ANKRD45: variants seen among roughly 807,000 people sequenced by gnomAD.
The protein encoded by ANKRD45 is ankyrin repeat domain-containing protein 45.
A neutral mutation model predicts 28.1 loss-of-function variants in ANKRD45; 21 were observed. The ratio of observed to expected loss-of-function variants is 0.75; its 90% CI spans 0.53 to 1.08. The LOEUF is 1.08. ANKRD45 is among the 50% of genes least tolerant of loss of function. ANKRD45 has a pLI of 0.00. For missense variants in ANKRD45, 261 were observed against 308.7 expected, an observed-to-expected ratio of 0.85 and a Z score of 1.16; for synonymous variants, 86 against 103.9, an observed-to-expected ratio of 0.83 and a Z score of 1.05.
the ANKRD45 span, among the ~76,000 whole-genome samples, chr1:173,706,060 T>A: frequency 6.6e-6 from 1 of 152,020 alleles, no homozygotes; most frequent in Non-Finnish European, 1.5e-5. Context: ...ATCCCAGCAC[T>A]TTGGGAGGCC....
At chr1:173,643,958 C>T (rs1172006943) in intron 3 of ANKRD45, among the ~76,000 whole-genome samples, 4 of 152,166 alleles carry the variant, frequency 2.6e-5, no homozygotes, top group Non-Finnish European at 1.5e-5. Flanking sequence ...TAGCACAACC[C>T]CACCTTCACA....
At chr1:173,691,241 T>C in the ANKRD45 span, among the ~76,000 whole-genome samples, 1 of 152,164 alleles carries the variant, frequency 6.6e-6, no homozygotes, top group Non-Finnish European at 1.5e-5. Context: ...TTTTTTGTTT[T>C]GGTTTGGTTT....
intron 5 of ANKRD45, among the ~76,000 whole-genome samples, chr1:173,616,157 A>G (rs1249769058): frequency 6.6e-6 from 1 of 152,178 alleles, no homozygotes; most frequent in Non-Finnish European, 1.5e-5. Context: ...TTATTTAGCC[A>G]TAAAGCAGAA....
chr1:173,682,691 A>G, the ANKRD45 span, among the ~76,000 whole-genome samples: 10 of 149,860 alleles, frequency 6.7e-5, no homozygotes, highest in Admixed American at 2.7e-4. Flanking sequence ...AAATACACAC[A>G]CACACACACA....
rs1281608243 is a variant in ANKRD45 at position 173,627,400 on chromosome 1, C to T, written c.497-241G>A. Among the ~76,000 whole-genome samples, 5 of 152,242 alleles carry T rather than the reference C, an allele frequency of 3.3e-5. No homozygotes were observed. In the East Asian group the frequency reaches 9.6e-4, roughly 29 times the overall value. On this transcript the variant is annotated intron_variant, in intron 3 of 5. Coordinates refer to ENST00000333279, the MANE Select transcript of ANKRD45 (RefSeq NM_198493.3). Reference sequence around the variant, plus strand: ...GGTAGGAAAGACAGTTTTGAACTGCCTACACCACACTTCCCCCATACCCCT... The same window carrying T: ...GGTAGGAAAGACAGTTTTGAACTGCTTACACCACACTTCCCCCATACCCCT...
At chr1:173,651,484 T>G (rs949460422) in intron 2 of ANKRD45, among the ~76,000 whole-genome samples, 29 of 152,242 alleles carry the variant, frequency 1.9e-4, no homozygotes, top group Non-Finnish European at 5.9e-5. Context: ...CATGCTGTTT[T>G]GCTTACTGTA....
intron 3 of ANKRD45, among the ~76,000 whole-genome samples, chr1:173,641,670 G>C (rs973021054): frequency 1.3e-5 from 2 of 152,182 alleles, no homozygotes; most frequent in South Asian, 4.1e-4. Context: ...CCTTCACCCT[G>C]GCATTTCGTC....
intron 3 of ANKRD45, chr1:173,635,862 A>G (rs1426346208): frequency 6.8e-7 from 1 of 1,473,848 alleles, no homozygotes; most frequent in Admixed American, 2.1e-5. Context: ...TCGTGATACA[A>G]GTAGTAATAG....
chr1:173,611,727 G>T (rs1238677647), intron 5 of ANKRD45, among the ~76,000 whole-genome samples: 2 of 151,946 alleles, frequency 1.3e-5, no homozygotes, highest in East Asian at 3.9e-4. Flanking sequence ...CCTTGGATTG[G>T]CAATGGTTTC....
chr1:173,703,962 C>T, the ANKRD45 span, among the ~76,000 whole-genome samples: 1 of 152,248 alleles, frequency 6.6e-6, no homozygotes. Context: ...GCACAGCTGC[C>T]CTACAAACTA....
the ANKRD45 span, among the ~76,000 whole-genome samples, chr1:173,680,315 T>A: frequency 6.6e-6 from 1 of 152,052 alleles, no homozygotes; most frequent in South Asian, 2.1e-4. Flanking sequence ...ATAGACTGGA[T>A]AAAGAAAATG....
chr1:173,638,510 G>A (rs1668556779), intron 3 of ANKRD45, among the ~76,000 whole-genome samples: 1 of 152,130 alleles, frequency 6.6e-6, no homozygotes, highest in Non-Finnish European at 1.5e-5. Flanking sequence ...GAAACCTCCA[G>A]CAAGGAGCAA....
At chr1:173,650,385 AATG>A (rs367729907) in intron 2 of ANKRD45, among the ~76,000 whole-genome samples, 2 of 152,124 alleles carry the variant, frequency 1.3e-5, no homozygotes, top group African/African-American at 4.8e-5. Flanking sequence ...GTTTGCTGAG[AATG>A]ATGGTTTCCA....
intron 5 of ANKRD45, among the ~76,000 whole-genome samples, chr1:173,620,062 CA>C (rs1667633681): frequency 6.6e-6 from 1 of 152,102 alleles, no homozygotes; most frequent in African/African-American, 2.4e-5. Flanking sequence ...AGAAAATTAA[CA>C]AAGATATTCA....
chr1:173,643,767 A>G (rs984414521), intron 3 of ANKRD45, among the ~76,000 whole-genome samples: 1 of 152,208 alleles, frequency 6.6e-6, no homozygotes, highest in South Asian at 2.1e-4. Context: ...AAATATATCT[A>G]TAACATATCT....
chr1:173,618,597 G>A (rs1399648696), intron 5 of ANKRD45, among the ~76,000 whole-genome samples: 1 of 152,156 alleles, frequency 6.6e-6, no homozygotes, highest in Non-Finnish European at 1.5e-5. Context: ...AAAAAAGAAT[G>A]AAAAGGAATG....
chr1:173,678,495 A>G, the ANKRD45 span, among the ~76,000 whole-genome samples: 1 of 152,132 alleles, frequency 6.6e-6, no homozygotes, highest in Non-Finnish European at 1.5e-5. Flanking sequence ...TAAAAATGGC[A>G]TGCAACAAAA....
intron 3 of ANKRD45, among the ~76,000 whole-genome samples, chr1:173,630,152 A>G (rs1481089007): frequency 1.3e-5 from 2 of 152,246 alleles, no homozygotes; most frequent in Admixed American, 6.5e-5. Flanking sequence ...TCCTAGAAGA[A>G]ATGCTAAAGG....
the ANKRD45 span, among the ~76,000 whole-genome samples, chr1:173,683,674 GAC>G: frequency 6.6e-6 from 1 of 152,122 alleles, no homozygotes; most frequent in Admixed American, 6.6e-5. Context: ...AAAAATCTGA[GAC>G]AGGTCTCAGT....
Sources: allele counts gnomAD v4.1 joint callset (sites outside exome capture counted in the v4.1 genomes callset), GRCh38; gene constraint gnomAD v4.1.1; transcripts MANE v1.5; gene names NCBI Gene and HGNC (gene_info 2026-07-23, HGNC 2026-07-21).